AGBL3: variants seen among roughly 807,000 people sequenced by gnomAD.
AGBL3 encodes the protein cytosolic carboxypeptidase 3.
A neutral mutation model predicts 94.5 loss-of-function variants in AGBL3; 68 were observed. The ratio of observed to expected loss-of-function variants is 0.72; its 90% CI spans 0.59 to 0.88. The LOEUF (loss-of-function observed/expected upper bound fraction) is 0.88, where lower values mean the gene tolerates loss of function less well. AGBL3 is among the 40% of genes least tolerant of loss of function. The pLI, the probability that AGBL3 is intolerant of heterozygous loss-of-function variation, is 0.00. For synonymous variants in AGBL3, 354 were observed against 370.7 expected (o/e 0.95, Z 0.52); for missense variants, 934 against 1,103.8 (o/e 0.85, Z 2.18).
chr7:135,119,581 G>A (rs960074354), intron 16 of AGBL3, among the ~76,000 whole-genome samples: 27 of 150,562 alleles, frequency 1.8e-4, no homozygotes, highest in African/African-American at 5.3e-4. Flanking sequence ...AAAAACTATC[G>A]AAAGGAGTCA....
At chr7:135,043,359 CTG>C (rs1177664481) in intron 8 of AGBL3, among the ~76,000 whole-genome samples, 2 of 152,104 alleles carry the variant, frequency 1.3e-5, no homozygotes, top group Non-Finnish European at 2.9e-5. Flanking sequence ...GAAAGACAAA[CTG>C]TGCATGTTCT....
chr7:135,092,913 A>G (rs1220743287), intron 15 of AGBL3: 1 of 152,094 alleles, frequency 6.6e-6, no homozygotes, highest in Non-Finnish European at 1.5e-5. Flanking sequence ...TTAATAGAAT[A>G]TAAAGAAAAA....
rs1167652193 is a variant in AGBL3 at position 135,046,684 on chromosome 7, T to C, written c.1841+773T>C. Among the ~76,000 whole-genome samples the C allele has an allele frequency of 3.3e-5, 5 of 152,094 alleles. No homozygotes were observed. The East Asian group carries it at 9.6e-4, about 29-fold the overall frequency. On this transcript the variant is annotated intron_variant, in intron 11 of 16. Coordinates refer to ENST00000436302, the MANE Select transcript of AGBL3 (RefSeq NM_178563.4). Reference sequence around the variant, plus strand: ...ATTTTTAGCACTCAGTAATATTCCATTGTCTGAATGTACCACAGTTTATAT... The same window carrying C: ...ATTTTTAGCACTCAGTAATATTCCACTGTCTGAATGTACCACAGTTTATAT...
At chr7:135,050,819 T>G (rs1441439112) in intron 11 of AGBL3, among the ~76,000 whole-genome samples, 1 of 152,058 alleles carries the variant, frequency 6.6e-6, no homozygotes, top group African/African-American at 2.4e-5. Flanking sequence ...ACAGGGAGTA[T>G]CTTGTAGATA....
At chr7:135,073,634 G>A (rs1011959653) in intron 12 of AGBL3, among the ~76,000 whole-genome samples, 7 of 152,126 alleles carry the variant, frequency 4.6e-5, no homozygotes, top group Non-Finnish European at 8.8e-5. Flanking sequence ...CTCAAGAGCC[G>A]AGCTCCCCGA....
chr7:135,085,979 G>A (rs1420672794), intron 15 of AGBL3, among the ~76,000 whole-genome samples: 1 of 151,968 alleles, frequency 6.6e-6, no homozygotes, highest in Admixed American at 6.6e-5. Context: ...CCATGAACAT[G>A]AGATGTCTAT....
rs375473253 is a variant in AGBL3, at chr7:135,045,056, T to G, written c.1628-418T>G. Among the ~76,000 whole-genome samples the G allele has an allele frequency of 2.3e-4, 35 of 151,804 alleles. No homozygotes were observed. In the East Asian group the frequency reaches 4.8e-3, roughly 21 times the overall value. ...AAGGACATGAACTCATCATTTTTTA[T>G]GGCTGCATAGTATTCCATGGTGTAT... is the stretch of plus-strand genomic sequence containing the variant. On this transcript the variant is annotated intron_variant, in intron 9 of 16. Transcript: ENST00000436302.
Position 135,034,901 on chromosome 7 carries a change from T to C in AGBL3, c.1310T>C (p.Val437Ala), listed in dbSNP as rs1816149489. 6.5e-7 allele frequency: 1 copy of C among 1,541,162 alleles called. No individual in the cohort carries two copies. Among genetic ancestry groups the C allele is most frequent in the Admixed American group, 2.0e-5 (1 of 49,716 alleles). ...CTCCTGAAGGAATCTTTTCCTTCTG[T>C]ATGGTATACCCGGAACATGGTTCAT... ...TSLLKESFPS[V>A]WYTRNMVHRL... is the part of the protein sequence containing the mutation. The change falls in exon 7 of 17, where the codon GTA becomes GCA. Residue 437 changes from valine (V) to alanine (A), a missense_variant. By Grantham distance (64) the Val-to-Ala change is moderately conservative. Transcript: ENST00000436302.
At chr7:135,127,174 A>C (rs1375510376) in intron 16 of AGBL3, among the ~76,000 whole-genome samples, 1 of 151,798 alleles carries the variant, frequency 6.6e-6, no homozygotes, top group East Asian at 1.9e-4. Flanking sequence ...ATTTACAAGA[A>C]AAAAACAGAC....
intron 15 of AGBL3, among the ~76,000 whole-genome samples, chr7:135,110,676 T>C (rs1003759484): frequency 1.3e-5 from 2 of 152,238 alleles, no homozygotes; most frequent in Non-Finnish European, 2.9e-5. Flanking sequence ...GTTTTCTTTA[T>C]GAATCCAATG....
chr7:135,035,731 A>T (rs947573697), intron 7 of AGBL3, among the ~76,000 whole-genome samples: 1 of 152,166 alleles, frequency 6.6e-6, no homozygotes, highest in African/African-American at 2.4e-5. Flanking sequence ...TTCAGAAGTA[A>T]TACCATCTCT....
chr7:135,041,509 A>G (rs1391742547), intron 8 of AGBL3, among the ~76,000 whole-genome samples: 1 of 152,162 alleles, frequency 6.6e-6, no homozygotes, highest in African/African-American at 2.4e-5. Context: ...GGAGAAAGAA[A>G]CATTTAAATA....
At chr7:135,030,031 G>C (rs1815545766) in intron 5 of AGBL3, among the ~76,000 whole-genome samples, 1 of 151,580 alleles carries the variant, frequency 6.6e-6, no homozygotes, top group African/African-American at 2.4e-5. Context: ...ACTCATAATA[G>C]ATATCATAAT....
chr7:135,040,349 G>A lies in AGBL3; in HGVS notation c.1500+2769G>A, dbSNP rs181523851. On this transcript the variant is annotated intron_variant, in intron 8 of 16. Coordinates refer to ENST00000436302, the MANE Select transcript of AGBL3 (RefSeq NM_178563.4). ...AAAACTACAGACTAATATCCCTCATGGACATAGATGCAAAAATTCTCACCA... is the reference window on the plus strand; with the variant it reads ...AAAACTACAGACTAATATCCCTCATAGACATAGATGCAAAAATTCTCACCA... 8.9e-4 allele frequency among the ~76,000 whole-genome samples: 136 copies of A among 152,172 alleles called. 3 individuals are homozygous for A. Among genetic ancestry groups the A allele is most frequent in the Admixed American group, 8.6e-3 (132 of 15,280 alleles).
At chr7:135,005,390 G>A (rs553165596) in intron 4 of AGBL3, among the ~76,000 whole-genome samples, 2 of 151,814 alleles carry the variant, frequency 1.3e-5, no homozygotes, top group Admixed American at 6.6e-5. Flanking sequence ...TTACTTAGGT[G>A]TAAATCTAAC....
At chr7:135,130,282 GA>G (rs1293569221) in intron 16 of AGBL3, among the ~76,000 whole-genome samples, 5 of 152,146 alleles carry the variant, frequency 3.3e-5, no homozygotes, top group African/African-American at 1.2e-4. Flanking sequence ...TTTCAGAATG[GA>G]AATTTATAAT....
intron 15 of AGBL3, among the ~76,000 whole-genome samples, chr7:135,090,582 C>T (rs181855156): frequency 2.4e-4 from 36 of 152,240 alleles, no homozygotes; most frequent in African/African-American, 8.7e-4. Context: ...CACCATTTCC[C>T]TGGGATACAG....
At chr7:135,030,320 T>A (rs1815592924) in intron 5 of AGBL3, among the ~76,000 whole-genome samples, 1 of 152,166 alleles carries the variant, frequency 6.6e-6, no homozygotes, top group African/African-American at 2.4e-5. Flanking sequence ...GCTGAAAATA[T>A]CATAAATCAA....
chr7:135,053,360 C>A (rs1445598235), intron 11 of AGBL3, among the ~76,000 whole-genome samples: 3 of 152,150 alleles, frequency 2.0e-5, no homozygotes, highest in Non-Finnish European at 4.4e-5. Context: ...GTAATCCCAA[C>A]ACTTTGGGAG....
Sources: allele counts gnomAD v4.1 joint callset (sites outside exome capture counted in the v4.1 genomes callset), GRCh38; gene constraint gnomAD v4.1.1; transcripts MANE v1.5; gene names NCBI Gene and HGNC (gene_info 2026-07-23, HGNC 2026-07-21).